CLYBL: variants seen among roughly 807,000 people sequenced by gnomAD.
The protein encoded by CLYBL is citramalyl-CoA lyase.
Under a neutral mutation model 38.9 loss-of-function variants are expected in CLYBL, and 31 were observed. The ratio of observed to expected loss-of-function variants is 0.80; its 90% CI spans 0.60 to 1.08. The LOEUF is 1.08. Ranked by LOEUF, CLYBL falls within the 50% of genes least tolerant of loss-of-function variation. CLYBL has a pLI of 0.00. For synonymous variants in CLYBL, 171 were observed against 158.6 expected (o/e 1.08, Z -0.59); for missense variants, 434 against 411.6 (o/e 1.05, Z -0.47).
chr13:99,870,743 G>T (rs2051867431), intron 6 of CLYBL, among the ~76,000 whole-genome samples, 195 bp from the exon 7 acceptor site: 1 of 152,132 alleles, frequency 6.6e-6, no homozygotes, highest in Admixed American at 6.5e-5. Context: ...TTGTAGTTGT[G>T]CTTCTGTGGT....
chr13:99,616,143 C>CTTT lies in CLYBL; in HGVS notation c.62+9408_62+9410dup, dbSNP rs34142988. ...TATAGGTGTGAGCCACCACGCCTGG[C>CTTT]TTTTTTTTTTTTTTTTTTTTTTTTA... On this transcript the variant is annotated intron_variant, in intron 1 of 8. Coordinates refer to ENST00000339105, the MANE Select transcript of CLYBL (RefSeq NM_206808.5). 7.0e-4 allele frequency among the ~76,000 whole-genome samples: 59 copies of CTTT among 83,808 alleles called. 1 individual carries two copies. Among genetic ancestry groups the CTTT allele is most frequent in the African/African-American group, 1.8e-3 (36 of 19,794 alleles). The allele number at this position is 83,808 out of a possible 152,430, so 55.0% of individuals were successfully genotyped here.
chr13:99,693,880 T>A (rs1361160914), intron 1 of CLYBL, among the ~76,000 whole-genome samples: 1 of 152,204 alleles, frequency 6.6e-6, no homozygotes, highest in East Asian at 1.9e-4. Flanking sequence ...TTCTAACATG[T>A]ATTTCAGGTT....
At chr13:99,781,207 G>A (rs1340457610) in intron 2 of CLYBL, among the ~76,000 whole-genome samples, 3 of 150,888 alleles carry the variant, frequency 2.0e-5, no homozygotes, top group Middle Eastern at 3.4e-3. Context: ...GTCTCGCTGT[G>A]TCACGCAGGC....
intron 1 of CLYBL, among the ~76,000 whole-genome samples, chr13:99,692,723 C>T (rs754885810): frequency 2.0e-5 from 3 of 152,174 alleles, no homozygotes; most frequent in Non-Finnish European, 4.4e-5. Context: ...CATTGGGGTT[C>T]ACTCCCTATG....
intron 2 of CLYBL, among the ~76,000 whole-genome samples, chr13:99,824,257 G>GCCCTC (rs2050646713): frequency 3.1e-5 from 4 of 130,412 alleles, no homozygotes; most frequent in South Asian, 2.7e-4. Flanking sequence ...CTGACTAATA[G>GCCCTC]CCCCCCCCAC....
chr13:99,890,340 T>TTA (rs2052457454), intron 7 of CLYBL, among the ~76,000 whole-genome samples: 1 of 152,166 alleles, frequency 6.6e-6, no homozygotes, highest in South Asian at 2.1e-4. Context: ...ACAGTCTATA[T>TTA]AAGTATGGTA....
chr13:99,757,474 A>T (rs2049085748), intron 1 of CLYBL, among the ~76,000 whole-genome samples: 1 of 151,860 alleles, frequency 6.6e-6, no homozygotes, highest in Non-Finnish European at 1.5e-5. Context: ...ATTTATTTCG[A>T]GATGGAGTTT....
chr13:99,616,633 T>C (rs544549743), intron 1 of CLYBL, among the ~76,000 whole-genome samples: 1 of 152,238 alleles, frequency 6.6e-6, no homozygotes, highest in South Asian at 2.1e-4. Context: ...GTTAGGTCTT[T>C]GAGATTGGCA....
At chr13:99,809,201 A>G (rs1319069984) in intron 2 of CLYBL, among the ~76,000 whole-genome samples, 2 of 152,214 alleles carry the variant, frequency 1.3e-5, no homozygotes, top group African/African-American at 4.8e-5. Flanking sequence ...TAATAAATAT[A>G]ATTTAACAAA....
At chr13:99,801,146 C>T (rs113390037) in intron 2 of CLYBL, among the ~76,000 whole-genome samples, 12 of 152,148 alleles carry the variant, frequency 7.9e-5, no homozygotes, top group Admixed American at 2.6e-4. Flanking sequence ...CCAGGTGCCC[C>T]CCCTCCACAC....
chr13:99,667,546 GA>G (rs2047501729), intron 1 of CLYBL, among the ~76,000 whole-genome samples: 1 of 151,512 alleles, frequency 6.6e-6, no homozygotes, highest in Non-Finnish European at 1.5e-5. Context: ...GTAAGACAGA[GA>G]GGGAATGTGT....
At chr13:99,622,613 T>C (rs1178066184) in intron 1 of CLYBL, among the ~76,000 whole-genome samples, 1 of 152,176 alleles carries the variant, frequency 6.6e-6, no homozygotes, top group Non-Finnish European at 1.5e-5. Context: ...ACATTCACCA[T>C]ATTGTGCAAC....
At chr13:99,683,184 C>T (rs1379209455) in intron 1 of CLYBL, among the ~76,000 whole-genome samples, 1 of 151,990 alleles carries the variant, frequency 6.6e-6, no homozygotes, top group Non-Finnish European at 1.5e-5. Context: ...CACGTTCAAG[C>T]AATTCTCCTG....
chr13:99,855,037 C>T (rs2051426392), intron 2 of CLYBL, among the ~76,000 whole-genome samples: 1 of 152,198 alleles, frequency 6.6e-6, no homozygotes, highest in African/African-American at 2.4e-5. Flanking sequence ...ATGACCTGGG[C>T]AGAGTCCACC....
chr13:99,887,507 C>T (rs1021558556), intron 7 of CLYBL, among the ~76,000 whole-genome samples: 1 of 152,178 alleles, frequency 6.6e-6, no homozygotes, highest in Non-Finnish European at 1.5e-5. Flanking sequence ...CCTTGTAATC[C>T]GAGCACTCTG....
At chr13:99,676,904 C>T (rs765847135) in intron 1 of CLYBL, among the ~76,000 whole-genome samples, 2 of 152,000 alleles carry the variant, frequency 1.3e-5, no homozygotes, top group Non-Finnish European at 2.9e-5. Flanking sequence ...TGCGCTCGGC[C>T]CATCATTCTT....
chr13:99,715,275 T>A (rs1404283857), intron 1 of CLYBL, among the ~76,000 whole-genome samples: 1 of 152,214 alleles, frequency 6.6e-6, no homozygotes, highest in African/African-American at 2.4e-5. Flanking sequence ...ACTCCTCCCC[T>A]TCACTGTGTT....
chr13:99,886,194 A>G (rs1438011089), intron 7 of CLYBL, among the ~76,000 whole-genome samples: 1 of 152,240 alleles, frequency 6.6e-6, no homozygotes. Flanking sequence ...TTCAGTATCC[A>G]CAGAAGTTAA....
intron 1 of CLYBL, among the ~76,000 whole-genome samples, chr13:99,656,246 T>C (rs2047328803): frequency 1.3e-5 from 2 of 152,054 alleles, no homozygotes; most frequent in South Asian, 4.2e-4. Context: ...CCCCAGACCT[T>C]AGGGTGGCGT....
Sources: gnomAD v4.1 joint callset for allele counts (sites outside exome capture counted in the v4.1 genomes callset) on GRCh38, gnomAD v4.1.1 for gene constraint, MANE v1.5 for transcripts, NCBI Gene and HGNC (gene_info 2026-07-23, HGNC 2026-07-21) for gene names.